Variants in RGS6 observed in about 807,000 individuals in gnomAD.
The protein encoded by RGS6 is regulator of G protein signaling 6, also known as regulator of G-protein signaling 6.
RGS6 carries 30 observed loss-of-function variants against 78.5 expected under a neutral mutation model. The ratio of observed to expected loss-of-function variants is 0.38; its 90% CI spans 0.29 to 0.52. RGS6 has a LOEUF of 0.52. Ranked by LOEUF, RGS6 falls within the 20% of genes least tolerant of loss-of-function variation. RGS6 has a pLI of 0.85. For missense variants in RGS6, 495 were observed against 609.7 expected (o/e 0.81, Z 1.98); for synonymous variants, 206 against 206.0 (o/e 1.00, Z 0.00).
chr14:72,628,374 A>T, the RGS6 span, among the ~76,000 whole-genome samples: 2 of 134,946 alleles, frequency 1.5e-5, no homozygotes, highest in Non-Finnish European at 3.3e-5. Context: ...AGAATCAAGC[A>T]TTTTTTTCCT....
intron 2 of RGS6, among the ~76,000 whole-genome samples, chr14:72,317,634 T>G (rs1354350969): frequency 6.6e-6 from 1 of 152,162 alleles, no homozygotes; most frequent in Admixed American, 6.5e-5. Flanking sequence ...TTGTGTTGAT[T>G]TGTAAAATGG....
intron 12 of RGS6, among the ~76,000 whole-genome samples, chr14:72,486,207 T>A (rs1353663090): frequency 6.6e-6 from 1 of 152,334 alleles, no homozygotes; most frequent in East Asian, 1.9e-4. Flanking sequence ...TCCCCAGCCA[T>A]GCTGAACCAT....
chr14:72,077,677 A>T (rs1352147730), intron 2 of RGS6, among the ~76,000 whole-genome samples: 1 of 152,194 alleles, frequency 6.6e-6, no homozygotes, highest in Non-Finnish European at 1.5e-5. Context: ...TGCAGGCAAC[A>T]TACTTACATC....
chr14:72,384,168 TTAAAA>T (rs1207516658), intron 3 of RGS6, among the ~76,000 whole-genome samples: 1 of 152,112 alleles, frequency 6.6e-6, no homozygotes, highest in Non-Finnish European at 1.5e-5. Context: ...AAAAAATAAG[TTAAAA>T]TAAACACTGG....
At chr14:72,321,076 A>G (rs2071861540) in intron 2 of RGS6, among the ~76,000 whole-genome samples, 1 of 151,680 alleles carries the variant, frequency 6.6e-6, no homozygotes, top group Non-Finnish European at 1.5e-5. Flanking sequence ...TTTAGTGCCT[A>G]TTAACCAAAT....
intron 2 of RGS6, among the ~76,000 whole-genome samples, chr14:71,966,125 C>G (rs1595362239): frequency 6.6e-6 from 1 of 151,776 alleles, no homozygotes; most frequent in Non-Finnish European, 1.5e-5. Context: ...TAAACTAACT[C>G]TCTTGTATGT....
intron 2 of RGS6, among the ~76,000 whole-genome samples, chr14:72,133,885 C>G (rs190730181): frequency 9.5e-4 from 144 of 152,228 alleles, no homozygotes; most frequent in African/African-American, 3.4e-3. Context: ...TCTTTCATAT[C>G]CAGTCTTTCA....
At chr14:72,001,505 C>T (rs1406671945) in intron 2 of RGS6, among the ~76,000 whole-genome samples, 1 of 72,306 alleles carries the variant, frequency 1.4e-5, no homozygotes, top group African/African-American at 4.4e-5. Flanking sequence ...CACACACACA[C>T]ACACACACAC....
intron 3 of RGS6, among the ~76,000 whole-genome samples, chr14:72,447,591 G>A (rs1196831880): frequency 6.6e-6 from 1 of 152,200 alleles, no homozygotes; most frequent in Non-Finnish European, 1.5e-5. Context: ...CCTGAAACAT[G>A]GGCTCTGTGA....
chr14:72,332,937 C>T (rs558460742), intron 2 of RGS6, among the ~76,000 whole-genome samples: 37 of 152,326 alleles, frequency 2.4e-4, no homozygotes, highest in Non-Finnish European at 5.9e-5. Context: ...CAGAGGCACA[C>T]GGGTGCAGCG....
chr14:72,447,291 C>T (rs146898723), intron 3 of RGS6, among the ~76,000 whole-genome samples: 30 of 152,186 alleles, frequency 2.0e-4, no homozygotes, highest in South Asian at 1.2e-3. Flanking sequence ...CCCTCACTTC[C>T]GGGAAATGCG....
At chr14:72,142,664 A>C (rs2096556201) in intron 2 of RGS6, among the ~76,000 whole-genome samples, 1 of 152,196 alleles carries the variant, frequency 6.6e-6, no homozygotes, top group Non-Finnish European at 1.5e-5. Flanking sequence ...GTAAACAACT[A>C]GCCTTTGTAG....
chr14:72,213,823 G>C (rs780093073), intron 2 of RGS6, among the ~76,000 whole-genome samples: 1 of 152,096 alleles, frequency 6.6e-6, no homozygotes. Flanking sequence ...TCCATTTGGC[G>C]TATTCTTTAA....
At chr14:72,178,297 G>A (rs2097132126) in intron 2 of RGS6, among the ~76,000 whole-genome samples, 1 of 152,330 alleles carries the variant, frequency 6.6e-6, no homozygotes, top group African/African-American at 2.4e-5. Flanking sequence ...GCCCACACTT[G>A]TGATATCTCA....
At chr14:72,175,745 C>T (rs2097096584) in intron 2 of RGS6, among the ~76,000 whole-genome samples, 1 of 152,198 alleles carries the variant, frequency 6.6e-6, no homozygotes. Flanking sequence ...CTAGGGTCAG[C>T]ACAGTGCCCA....
intron 2 of RGS6, among the ~76,000 whole-genome samples, chr14:72,350,064 G>A (rs891075640): frequency 3.9e-5 from 6 of 152,196 alleles, no homozygotes; most frequent in Non-Finnish European, 8.8e-5. Flanking sequence ...ACAAAGGCCA[G>A]CAGTAACTGA....
intron 2 of RGS6, among the ~76,000 whole-genome samples, chr14:72,248,377 T>A (rs1468098809): frequency 6.6e-6 from 1 of 152,112 alleles, no homozygotes; most frequent in Non-Finnish European, 1.5e-5. Context: ...GAAAATAGAG[T>A]AATAATTCAT....
chr14:72,374,741 T>A (rs946143661), intron 3 of RGS6, among the ~76,000 whole-genome samples: 44 of 152,222 alleles, frequency 2.9e-4, no homozygotes, highest in African/African-American at 9.6e-4. Context: ...ACATTGTAAT[T>A]ATATTCAGAT....
intron 2 of RGS6, among the ~76,000 whole-genome samples, chr14:72,329,261 C>T (rs2074457766): frequency 1.3e-5 from 2 of 152,286 alleles, no homozygotes; most frequent in South Asian, 4.1e-4. Flanking sequence ...TACATATGCA[C>T]ATGCATGAAC....
Sources: gnomAD v4.1 joint callset for allele counts (sites outside exome capture counted in the v4.1 genomes callset) on GRCh38, gnomAD v4.1.1 for gene constraint, MANE v1.5 for transcripts, NCBI Gene and HGNC (gene_info 2026-07-23, HGNC 2026-07-21) for gene names.